Variants in IRX2 observed in about 807,000 individuals in gnomAD.
IRX2 encodes the protein iroquois-class homeodomain protein IRX-2.
Under a neutral mutation model 42.9 loss-of-function variants are expected in IRX2, and 26 were observed. That is an observed-to-expected ratio of 0.61 (90% CI 0.44 to 0.84). The LOEUF (loss-of-function observed/expected upper bound fraction) is 0.84. Among genes scored for constraint, IRX2 ranks in the 40% least tolerant of loss-of-function variants. IRX2 has a pLI of 0.00. For missense variants in IRX2, 782 were observed against 713.9 expected (o/e 1.10, Z -1.09); for synonymous variants, 424 against 353.9 (o/e 1.20, Z -2.22).
chr5:2,739,235 C>T, the IRX2 span, among the ~76,000 whole-genome samples: 1 of 152,244 alleles, frequency 6.6e-6, no homozygotes, highest in Non-Finnish European at 1.5e-5. Context: ...CCGAGCCCGC[C>T]GGCCCTCGCT....
At chr5:2,738,879 G>T in the IRX2 span, among the ~76,000 whole-genome samples, 1 of 152,214 alleles carries the variant, frequency 6.6e-6, no homozygotes, top group African/African-American at 2.4e-5. Flanking sequence ...GGGCCTGGAC[G>T]CCGAGGCCGG....
Position 2,751,199 on chromosome 5 carries a change from G to A in IRX2, c.215C>T (p.Ala72Val). 7.9e-7 allele frequency: 1 copy of A among 1,272,522 alleles called. No individual in the cohort carries two copies. The highest frequency in any genetic ancestry group is 1.6e-5 in the African/African-American group (1 of 63,220). 78.8% of individuals were successfully genotyped at this position (1,272,522 alleles called of 1,614,324 possible). The change falls in exon 1 of 4, where the codon GCC becomes GTC. Residue 72 changes from alanine to valine, a missense_variant. By Grantham distance (64) the Ala-to-Val change is moderately conservative. Coordinates refer to ENST00000302057, the MANE Select transcript of IRX2 (RefSeq NM_033267.5). This position sits in a 1 kb window ranked among gnomAD's most constrained non-coding sequence, Gnocchi z 4.0. Reference protein sequence around the residue: ...FGSPLQYSADAAAAAAGFPSY... With the variant: ...FGSPLQYSADVAAAAAGFPSY... Reference sequence around the variant, plus strand: ...CGGGAAGCCGGCGGCGGCGGCGGCGGCGTCGGCCGAGTACTGCAGCGGGCT... The same window carrying A: ...CGGGAAGCCGGCGGCGGCGGCGGCGACGTCGGCCGAGTACTGCAGCGGGCT...
the IRX2 span, among the ~76,000 whole-genome samples, chr5:2,738,286 G>A: frequency 2.2e-4 from 34 of 152,222 alleles, no homozygotes; most frequent in African/African-American, 7.5e-4. Context: ...GAAGAAGCAG[G>A]TTGGGCCCTC....
In IRX2 at chr5:2,747,472, A is replaced by ATCTTG; in HGVS notation, c.*91_*92insCAAGA. The ATCTTG allele has an allele frequency of 9.0e-7, 1 of 1,113,620 alleles. No homozygotes were observed. Among genetic ancestry groups the ATCTTG allele is most frequent in the Non-Finnish European group, 1.4e-6 (1 of 739,222 alleles). 69.0% of individuals were successfully genotyped at this position (1,113,620 alleles called of 1,614,324 possible). A position where few individuals can be genotyped will look rare whatever the true frequency, so the allele number is the denominator to read the frequency against. Reference sequence around the variant, plus strand: ...TCTAACCCCATGACCAGAAGCAAGAAAAACACATTAAGCAAGTTGGTGCTG... The same window carrying ATCTTG: ...TCTAACCCCATGACCAGAAGCAAGAATCTTGAAACACATTAAGCAAGTTGGTGCTG... On this transcript the variant is annotated 3_prime_UTR_variant, in exon 4 of 4. Transcript: ENST00000302057.
the IRX2 span, among the ~76,000 whole-genome samples, chr5:2,739,531 G>A: frequency 0.32 from 49,035 of 151,990 alleles, 8,248 homozygotes; most frequent in Non-Finnish European, 0.38. Flanking sequence ...CCCGAAACAG[G>A]AGAGACCGGG....
chr5:2,735,994 C>T, the IRX2 span, among the ~76,000 whole-genome samples: 1 of 152,170 alleles, frequency 6.6e-6, no homozygotes, highest in Non-Finnish European at 1.5e-5. Context: ...CTCCACGTGG[C>T]CCTTTTCCCT....
At chr5:2,750,318 A>G (rs1004992239) in intron 1 of IRX2, among the ~76,000 whole-genome samples, 5 of 152,262 alleles carry the variant, frequency 3.3e-5, no homozygotes, top group African/African-American at 1.2e-4. Context: ...ATTTTAATTC[A>G]TCCTTTAACG....
At chr5:2,743,753 A>C (rs576848087), downstream of IRX2, among the ~76,000 whole-genome samples, 1,257 of 152,214 alleles carry the variant, frequency 8.3e-3, 12 homozygotes, top group Non-Finnish European at 0.015. Context: ...AGTGAAAGAT[A>C]TCTCTCTCTT....
chr5:2,747,867 T>C (rs1349134119), intron 3 of IRX2, among the ~76,000 whole-genome samples: 2 of 152,240 alleles, frequency 1.3e-5, no homozygotes, highest in Admixed American at 6.5e-5. Flanking sequence ...AACGGTTTTC[T>C]TTCCGAACAA....
chr5:2,747,679 C>G, intron 3 of IRX2, 63 bp from the exon 4 acceptor site: 1 of 1,508,826 alleles, frequency 6.6e-7, no homozygotes, highest in Non-Finnish European at 9.2e-7. Flanking sequence ...CGCAGACCAC[C>G]GTGCACCCAC....
the IRX2 span, among the ~76,000 whole-genome samples, chr5:2,738,628 G>T: frequency 2.0e-5 from 3 of 152,130 alleles, no homozygotes; most frequent in African/African-American, 7.2e-5. Context: ...CGAGTCCAAT[G>T]GCAGAAAGGA....
At chr5:2,742,708 A>G (rs1203453176), downstream of IRX2, among the ~76,000 whole-genome samples, 3 of 152,192 alleles carry the variant, frequency 2.0e-5, no homozygotes, top group Admixed American at 1.3e-4. Flanking sequence ...TAATTATTGT[A>G]TATTGTTACT....
intron 1 of IRX2, among the ~76,000 whole-genome samples, chr5:2,750,202 C>T (rs912260341): frequency 2.0e-5 from 3 of 152,190 alleles, no homozygotes; most frequent in Non-Finnish European, 4.4e-5. Context: ...AAAAAAACAC[C>T]CCAGAGCCCC....
Position 2,748,684 on chromosome 5 carries a change from G to A in IRX2, c.1024C>T (p.Gln342Ter). The A allele has an allele frequency of 7.2e-7, 1 of 1,396,456 alleles. No individual in the cohort carries two copies. The highest frequency in any genetic ancestry group is 9.3e-7 in the Non-Finnish European group (1 of 1,075,934). 86.5% of individuals were successfully genotyped at this position (1,396,456 alleles called of 1,614,324 possible). ...CCGCAGCCCGGGCCCAGGCTCGGCT[G>A]CTTGAGGTCCGACGTGGCGATCTCG... is the stretch of plus-strand genomic sequence containing the variant. ...LAEIATSDLK[Q>*]PSLGPGCGPP... The change falls in exon 3 of 4, where the codon CAG becomes TAG. Residue 342 changes from glutamine (Q) to a stop codon, truncating the protein, a stop_gained. Coordinates refer to ENST00000302057, the MANE Select transcript of IRX2 (RefSeq NM_033267.5). LOFTEE classifies it high-confidence loss of function.
In IRX2 at chr5:2,751,351, C is replaced by A; in HGVS notation, c.63G>T (p.Pro21=). 7.0e-7 allele frequency: 1 copy of A among 1,438,616 alleles called. No homozygotes were observed. 89.1% of individuals were successfully genotyped at this position (1,438,616 alleles called of 1,614,324 possible). ...APGSLALYSC[P]AYGASALAAP... ...CCGCCAAAGCCGACGCGCCGTAGGC[C>A]GGGCACGAGTAGAGCGCCAGCGAGC... The change falls in exon 1 of 4, where the codon CCG becomes CCT. Residue 21 remains proline, a synonymous_variant. Transcript: ENST00000302057. This position sits in a 1 kb window ranked among gnomAD's most constrained non-coding sequence, Gnocchi z 4.0.
At chr5:2,742,857 A>G (rs1737572827), downstream of IRX2, among the ~76,000 whole-genome samples, 4 of 152,182 alleles carry the variant, frequency 2.6e-5, no homozygotes, top group Admixed American at 2.6e-4. Flanking sequence ...GTGGTAGTTT[A>G]GTATGTACAT....
chr5:2,744,909 A>G (rs1737623177), downstream of IRX2, among the ~76,000 whole-genome samples: 1 of 152,220 alleles, frequency 6.6e-6, no homozygotes. Flanking sequence ...TGTCCAGTTA[A>G]CAGTCCCCTG....
chr5:2,751,159 G>T lies in IRX2; in HGVS notation c.249+6C>A. ...GGAGTCCCGCGTCCCGCCCGCGCCC[G>T]GTTACCATGTAGGACGGGAAGCCGG... On this transcript the variant is annotated splice_donor_region_variant and intron_variant, in intron 1 of 3. Transcript: ENST00000302057. The surrounding 1 kb of genome is among the most constrained non-coding windows in gnomAD (Gnocchi z 4.0). The T allele has an allele frequency of 6.4e-6, 8 of 1,244,064 alleles. No homozygotes were observed. Among genetic ancestry groups the T allele is most frequent in the African/African-American group, 1.6e-5 (1 of 63,476 alleles). 77.1% of individuals were successfully genotyped at this position (1,244,064 alleles called of 1,614,324 possible). A position where few individuals can be genotyped will look rare whatever the true frequency, so the allele number is the denominator to read the frequency against.
the IRX2 span, among the ~76,000 whole-genome samples, chr5:2,738,114 T>C: frequency 6.6e-6 from 1 of 152,270 alleles, no homozygotes; most frequent in Admixed American, 6.5e-5. Context: ...ATATAACTCA[T>C]TTGAGGGTCT....
Sources: gnomAD v4.1 joint callset for allele counts (sites outside exome capture counted in the v4.1 genomes callset) on GRCh38, gnomAD v4.1.1 for gene constraint, Gnocchi (gnomAD v3.1) non-coding constraint, MANE v1.5 for transcripts, NCBI Gene and HGNC (gene_info 2026-07-23, HGNC 2026-07-21) for gene names.